The following PCM1 variants were observed in gnomAD, a reference collection of about 807,000 sequenced individuals.
PCM1 encodes the protein pericentriolar material 1.
A neutral mutation model predicts 241.9 loss-of-function variants in PCM1; 157 were observed. The ratio of observed to expected loss-of-function variants is 0.65; its 90% CI spans 0.57 to 0.74. The LOEUF (loss-of-function observed/expected upper bound fraction) is 0.74. Among genes scored for constraint, PCM1 ranks in the 30% least tolerant of loss-of-function variants. The probability of loss-of-function intolerance (pLI) is 0.00; values close to 1 mark genes in which losing one functional copy is unlikely to be tolerated. For missense variants in PCM1, 3,478 were observed against 2,360.1 expected (o/e 1.47, Z -9.81); for synonymous variants, 1,085 against 784.9 (o/e 1.38, Z -6.39).
intron 13 of PCM1, among the ~76,000 whole-genome samples, chr8:17,959,561 A>G (rs1021656006): frequency 7.1e-5 from 5 of 70,350 alleles, no homozygotes; most frequent in Non-Finnish European, 6.3e-5. Context: ...TTTAAAGGAC[A>G]CAACTTAATT....
chr8:17,975,679 C>G (rs866603656), intron 23 of PCM1, among the ~76,000 whole-genome samples: 1 of 152,278 alleles, frequency 6.6e-6, no homozygotes, highest in African/African-American at 2.4e-5. Flanking sequence ...CCCATACTTA[C>G]TAGACTGATC....
At chr8:18,015,251 T>A (rs1249778410) in intron 36 of PCM1, among the ~76,000 whole-genome samples, 37 of 145,286 alleles carry the variant, frequency 2.5e-4, no homozygotes, top group African/African-American at 2.0e-4. Context: ...CAGTGAATGA[T>A]AAAAAAAAAA....
chr8:17,972,365 T>C lies in PCM1; in HGVS notation c.3621T>C (p.Ser1207=). ...TGCCTGAAGAGGAGGTGGAAAGCAGTAGGACACCATGGTTATATGAACAAG... is the reference window on the plus strand; with the variant it reads ...TGCCTGAAGAGGAGGTGGAAAGCAGCAGGACACCATGGTTATATGAACAAG... ...KKLPEEEVES[S]RTPWLYEQEG... The change falls in exon 23 of 39, where the codon AGT becomes AGC. Residue 1207 remains serine (S), a synonymous_variant. Transcript: ENST00000325083. The C allele has an allele frequency of 6.4e-7, 1 of 1,560,268 alleles. No individual in the cohort carries two copies. Among genetic ancestry groups the C allele is most frequent in the Non-Finnish European group, 8.7e-7 (1 of 1,153,204 alleles).
chr8:17,976,880 T>TC (rs376210675), intron 23 of PCM1, among the ~76,000 whole-genome samples: 1 of 151,992 alleles, frequency 6.6e-6, no homozygotes, highest in Admixed American at 6.5e-5. Context: ...TTTTTTTTTT[T>TC]CTCTTTTCGT....
chr8:17,992,121 A>G (rs2084880936), intron 28 of PCM1, among the ~76,000 whole-genome samples: 1 of 152,178 alleles, frequency 6.6e-6, no homozygotes, highest in African/African-American at 2.4e-5. Context: ...TACATATACC[A>G]CATTTTCTTT....
At chr8:17,937,859 A>G (rs403894) in intron 4 of PCM1, among the ~76,000 whole-genome samples, 80,801 of 151,954 alleles carry the variant, frequency 0.53, 22,224 homozygotes, top group Middle Eastern at 0.65. Flanking sequence ...TCTTAGATCT[A>G]TATGTCATAG....
chr8:17,981,651 C>G (rs1253840726), intron 24 of PCM1, among the ~76,000 whole-genome samples: 1 of 152,140 alleles, frequency 6.6e-6, no homozygotes, highest in South Asian at 2.1e-4. Flanking sequence ...ATAACAGCAG[C>G]TATCTTTTGT....
chr8:17,966,908 AT>A, intron 20 of PCM1, 71 bp from the exon 21 acceptor site: 6 of 1,349,940 alleles, frequency 4.4e-6, no homozygotes, highest in Non-Finnish European at 6.1e-6. Flanking sequence ...TTTTACATGT[AT>A]TCTTCCTGAA....
chr8:17,989,742 C>G (rs1057310216), intron 26 of PCM1, 117 bp from the exon 27 acceptor site: 6 of 727,248 alleles, frequency 8.3e-6, no homozygotes, highest in Admixed American at 3.1e-5. Context: ...ACTGAGGAAA[C>G]TTATGAATAT....
At chr8:17,941,749 C>G (rs2062128191) in intron 6 of PCM1, among the ~76,000 whole-genome samples, 1 of 151,798 alleles carries the variant, frequency 6.6e-6, no homozygotes, top group Admixed American at 6.6e-5. Context: ...TACTACAAGT[C>G]CAAAAGGGAA....
At chr8:17,935,378 C>T (rs779611501) in intron 2 of PCM1, among the ~76,000 whole-genome samples, 1 of 152,182 alleles carries the variant, frequency 6.6e-6, no homozygotes, top group East Asian at 1.9e-4. Flanking sequence ...GTTTTCCTTT[C>T]CTTCTCTGTC....
At position 17,947,353 on chromosome 8, in the gene PCM1, G is replaced by A. The variant is rs2064218010; in HGVS notation, c.951G>A (p.Met317Ile). 6.3e-7 allele frequency: 1 copy of A among 1,589,158 alleles called. No homozygotes were observed. The highest frequency in any genetic ancestry group is 8.6e-7 in the Non-Finnish European group (1 of 1,168,726). Residue 317 changes from methionine to isoleucine, a missense_variant, in exon 7 of 39, where the codon ATG (methionine) becomes ATA (isoleucine). Transcript: ENST00000325083. ...QHKAEQAIAV[M>I]DDSVVAETAG... Reference sequence around the variant, plus strand: ...AAGCAGAGCAAGCTATTGCAGTGATGGATGATTCTGGTATGTCACAGTCTG... The same window carrying A: ...AAGCAGAGCAAGCTATTGCAGTGATAGATGATTCTGGTATGTCACAGTCTG...
At chr8:17,983,640 A>G (rs117745087) in intron 24 of PCM1, among the ~76,000 whole-genome samples, 2,587 of 152,262 alleles carry the variant, frequency 0.017, 40 homozygotes, top group South Asian at 0.044. Flanking sequence ...TTTATAGTTT[A>G]TCTTTCCATT....
chr8:17,970,307 C>G (rs1295672216), intron 22 of PCM1, among the ~76,000 whole-genome samples: 1 of 152,086 alleles, frequency 6.6e-6, no homozygotes, highest in East Asian at 1.9e-4. Context: ...CTCTGATTGT[C>G]TTTCCTACTC....
At chr8:17,958,497 C>T (rs552988399) in intron 13 of PCM1, among the ~76,000 whole-genome samples, 2 of 152,014 alleles carry the variant, frequency 1.3e-5, no homozygotes, top group African/African-American at 2.4e-5. Context: ...AATATGCCTA[C>T]ACTTATAATT....
At chr8:17,973,953 A>T (rs2077751802) in intron 23 of PCM1, among the ~76,000 whole-genome samples, 1 of 152,190 alleles carries the variant, frequency 6.6e-6, no homozygotes, top group African/African-American at 2.4e-5. Flanking sequence ...AAAACCACAG[A>T]TACAAGAGAA....
At chr8:17,953,681 A>G (rs910896374) in intron 9 of PCM1, among the ~76,000 whole-genome samples, 1 of 152,172 alleles carries the variant, frequency 6.6e-6, no homozygotes, top group South Asian at 2.1e-4. Context: ...ATTCATTTTT[A>G]AAAAATATAT....
chr8:17,964,538 G>T (rs1479184947), intron 17 of PCM1, 30 bp from the exon 18 acceptor site: 10 of 1,556,538 alleles, frequency 6.4e-6, no homozygotes, highest in Non-Finnish European at 7.9e-6. Flanking sequence ...TCTCCAGAAT[G>T]ACATCTGTTT....
intron 6 of PCM1, among the ~76,000 whole-genome samples, chr8:17,942,507 G>C (rs570870309): frequency 6.6e-5 from 10 of 152,072 alleles, no homozygotes; most frequent in Middle Eastern, 3.4e-3. Context: ...TAGTTTGTCA[G>C]ATTTTTTGGT....
Sources: allele counts gnomAD v4.1 joint callset (sites outside exome capture counted in the v4.1 genomes callset), GRCh38; gene constraint gnomAD v4.1.1; transcripts MANE v1.5; gene names NCBI Gene and HGNC (gene_info 2026-07-23, HGNC 2026-07-21).